The following GNAL variants were observed in gnomAD, a reference collection of about 807,000 sequenced individuals.
GNAL encodes the protein G protein subunit alpha L, also known as guanine nucleotide-binding protein G(olf) subunit alpha.
A neutral mutation model predicts 55.1 loss-of-function variants in GNAL; 18 were observed. That is an observed-to-expected ratio of 0.33 (90% confidence interval 0.23 to 0.48). GNAL has a LOEUF of 0.48. Ranked by LOEUF, GNAL falls within the 20% of genes least tolerant of loss-of-function variation. GNAL has a pLI of 0.99. For synonymous variants in GNAL, 253 were observed against 237.0 expected (o/e 1.07, Z -0.62); for missense variants, 412 against 614.1 (o/e 0.67, Z 3.48).
intron 1 of GNAL, among the ~76,000 whole-genome samples, chr18:11,695,848 A>T (rs1225140060): frequency 1.3e-5 from 2 of 151,986 alleles, no homozygotes; most frequent in South Asian, 4.1e-4. Flanking sequence ...TGCTGGCATG[A>T]TTTTAATCTG....
intron 4 of GNAL, among the ~76,000 whole-genome samples, chr18:11,770,892 C>T (rs931905707): frequency 1.3e-5 from 2 of 152,034 alleles, no homozygotes; most frequent in African/African-American, 4.8e-5. Flanking sequence ...CAGCTGACAT[C>T]TTTAACTGCT....
chr18:11,767,875 G>T (rs1331123127), intron 4 of GNAL, among the ~76,000 whole-genome samples: 1 of 152,128 alleles, frequency 6.6e-6, no homozygotes, highest in Non-Finnish European at 1.5e-5. Context: ...AACACAGTTT[G>T]CATGCTGTGT....
rs1019272946 is a variant in GNAL, at chr18:11,883,925, A to C, written c.*2790A>C. ...AGGCTGGTCTTGAACTCCTGACCTCAAGTGATCCACCCGCCTCAGCCTCCC... is the reference window on the plus strand; with the variant it reads ...AGGCTGGTCTTGAACTCCTGACCTCCAGTGATCCACCCGCCTCAGCCTCCC... On this transcript the variant is annotated 3_prime_UTR_variant, in exon 12 of 12. Transcript: ENST00000334049. 1 of 152,512 alleles carries C rather than the reference A, an allele frequency of 6.6e-6. No individual in the cohort carries two copies. The highest frequency in any genetic ancestry group is 1.5e-5 in the Non-Finnish European group (1 of 68,336). 9.4% of individuals were successfully genotyped at this position (152,512 alleles called of 1,614,324 possible). A position where few individuals can be genotyped will look rare whatever the true frequency, so the allele number is the denominator to read the frequency against.
chr18:11,871,818 C>T (rs1226139151), intron 9 of GNAL, among the ~76,000 whole-genome samples: 1 of 152,134 alleles, frequency 6.6e-6, no homozygotes, highest in African/African-American at 2.4e-5. Flanking sequence ...ATCTATATCC[C>T]CCATGGGACT....
At chr18:11,822,297 AAAAC>A (rs1296341742) in intron 4 of GNAL, among the ~76,000 whole-genome samples, 1 of 152,094 alleles carries the variant, frequency 6.6e-6, no homozygotes, top group Non-Finnish European at 1.5e-5. Flanking sequence ...GCCAAATCTC[AAAAC>A]AAACAAACGA....
intron 4 of GNAL, among the ~76,000 whole-genome samples, chr18:11,756,014 G>A (rs1181270837): frequency 2.0e-5 from 3 of 152,116 alleles, no homozygotes; most frequent in Admixed American, 6.5e-5. Flanking sequence ...AGAAGTAATC[G>A]TAAAACATCT....
intron 4 of GNAL, among the ~76,000 whole-genome samples, chr18:11,791,580 TTAA>T (rs1261647065): frequency 4.6e-5 from 7 of 152,354 alleles, no homozygotes; most frequent in Admixed American, 2.0e-4. Context: ...CCACACTATC[TTAA>T]TAAGATACTA....
chr18:11,828,185 C>T (rs1008674008), intron 5 of GNAL, among the ~76,000 whole-genome samples: 1 of 152,022 alleles, frequency 6.6e-6, no homozygotes, highest in Non-Finnish European at 1.5e-5. Flanking sequence ...GGCCTTTTAT[C>T]TTTTCCTCTT....
chr18:11,817,591 G>T (rs985424692), intron 4 of GNAL, among the ~76,000 whole-genome samples: 6 of 152,054 alleles, frequency 3.9e-5, no homozygotes, highest in African/African-American at 1.4e-4. Context: ...TTTTCGTGTA[G>T]TTTTCTTTTT....
At chr18:11,866,980 TGA>T (rs1471892571) in intron 7 of GNAL, among the ~76,000 whole-genome samples, 186 bp from the exon 8 acceptor site, 2 of 152,108 alleles carry the variant, frequency 1.3e-5, no homozygotes, top group Non-Finnish European at 1.5e-5. Flanking sequence ...GGACTGCGGC[TGA>T]GAGAGGTGGA....
intron 1 of GNAL, among the ~76,000 whole-genome samples, chr18:11,717,245 A>G (rs9948287): frequency 0.2 from 29,983 of 152,100 alleles, 6,191 homozygotes; most frequent in African/African-American, 0.53. Flanking sequence ...CGGAAGTCAC[A>G]CTGGCCCTGT....
chr18:11,843,217 G>A (rs548058402), intron 5 of GNAL, among the ~76,000 whole-genome samples: 6 of 152,184 alleles, frequency 3.9e-5, no homozygotes, highest in Middle Eastern at 3.4e-3. Context: ...AGAAAAAAGG[G>A]GCTGGGTGTG....
intron 4 of GNAL, among the ~76,000 whole-genome samples, chr18:11,788,914 A>AAATATATAT (rs60071996): frequency 3.6e-5 from 2 of 56,302 alleles, no homozygotes; most frequent in African/African-American, 2.0e-4. Context: ...AAAAAAAAAA[A>AAATATATAT]ATATATATAT....
intron 5 of GNAL, among the ~76,000 whole-genome samples, chr18:11,832,816 C>T (rs1205292942): frequency 2.6e-5 from 4 of 151,720 alleles, no homozygotes; most frequent in South Asian, 2.1e-4. Context: ...GCCGAGACCA[C>T]GCCATTGCAC....
At chr18:11,695,628 G>A (rs1005797316) in intron 1 of GNAL, among the ~76,000 whole-genome samples, 3 of 152,124 alleles carry the variant, frequency 2.0e-5, no homozygotes, top group African/African-American at 7.2e-5. Flanking sequence ...GGGTTATCAT[G>A]TTCCACTCAA....
chr18:11,815,327 G>A lies in GNAL; in HGVS notation c.625-9591G>A, dbSNP rs1290247499. Among the ~76,000 whole-genome samples the A allele has an allele frequency of 1.4e-4, 21 of 147,750 alleles. No individual in the cohort carries two copies. In the Admixed American group the frequency reaches 1.5e-3, roughly 11 times the overall value. On this transcript the variant is annotated intron_variant, in intron 4 of 11. Coordinates refer to ENST00000334049, the MANE Select transcript of GNAL (RefSeq NM_182978.4). ...CTGCTATAAAGAAATAGCTGAGACT[G>A]TGTAATTTATGAAGAAAAGAGGTTT...
intron 5 of GNAL, among the ~76,000 whole-genome samples, chr18:11,827,844 A>G (rs1298176611): frequency 6.6e-6 from 1 of 151,652 alleles, no homozygotes; most frequent in East Asian, 2.0e-4. Flanking sequence ...GGTGGCCGGC[A>G]CCTGTAGTCC....
chr18:11,751,204 G>C lies in GNAL; in HGVS notation c.377-1649G>C, dbSNP rs1413756028. 6.6e-6 allele frequency among the ~76,000 whole-genome samples: 1 copy of C among 152,126 alleles called. No homozygotes were observed. Among genetic ancestry groups the C allele is most frequent in the Middle Eastern group, 3.2e-3 (1 of 316 alleles). On this transcript the variant is annotated intron_variant, in intron 1 of 11. Coordinates refer to ENST00000334049, the MANE Select transcript of GNAL (RefSeq NM_182978.4). The surrounding 1 kb of genome is among the most constrained non-coding windows in gnomAD (Gnocchi z 4.5). ...GCCCACGGCTGGTGTCCACGACTTC[G>C]GCCCGGCCCCCTCTTCTGACCTCCT...
At chr18:11,801,638 T>A (rs538746248) in intron 4 of GNAL, among the ~76,000 whole-genome samples, 14 of 152,176 alleles carry the variant, frequency 9.2e-5, no homozygotes, top group Non-Finnish European at 1.8e-4. Flanking sequence ...ACCAGGCTGC[T>A]GCTATAATCT....
Sources: gnomAD v4.1 joint callset for allele counts (sites outside exome capture counted in the v4.1 genomes callset) on GRCh38, gnomAD v4.1.1 for gene constraint, Gnocchi (gnomAD v3.1) non-coding constraint, MANE v1.5 for transcripts, NCBI Gene and HGNC (gene_info 2026-07-23, HGNC 2026-07-21) for gene names.